MRPL43: variants seen among roughly 807,000 people sequenced by gnomAD.
MRPL43 encodes large ribosomal subunit protein mL43.
In MRPL43, 9 loss-of-function variants were observed where a neutral mutation model predicts 12.7. That is an observed-to-expected ratio of 0.71 (90% CI 0.43 to 1.24). The LOEUF is 1.24. MRPL43 is among the 50% of genes most tolerant of loss of function. The probability of loss-of-function intolerance (pLI) is 0.00; values close to 1 mark genes in which losing one functional copy is unlikely to be tolerated. For missense variants in MRPL43, 211 were observed against 229.2 expected (o/e 0.92, Z 0.51); for synonymous variants, 116 against 96.4 (o/e 1.20, Z -1.19).
chr10:100,981,652 G>C, downstream of MRPL43: 1 of 1,335,956 alleles, frequency 7.5e-7, no homozygotes, highest in Admixed American at 1.8e-5. Context: ...TACTGTCACA[G>C]CATTCTTATG....
At chr10:100,980,605 T>C (rs1427873810), downstream of MRPL43, 2 of 1,614,204 alleles carry the variant, frequency 1.2e-6, no homozygotes, top group African/African-American at 2.7e-5. Context: ...AAGGCCGTAG[T>C]CCTGGGCTCT....
downstream of MRPL43, chr10:100,985,355 T>A (rs796584525): frequency 9.6e-5 from 15 of 156,638 alleles, no homozygotes; most frequent in African/African-American, 3.6e-4. Context: ...CAATTCTGAC[T>A]GAGCTCCCCC....
downstream of MRPL43, chr10:100,977,873 C>T (rs1035439533): frequency 2.8e-5 from 19 of 682,650 alleles, no homozygotes; most frequent in Middle Eastern, 2.4e-4. Context: ...ACTCCAGTGG[C>T]GGCGGGCTGC....
chr10:100,983,661 G>A (rs140546736), downstream of MRPL43: 133 of 1,613,326 alleles, frequency 8.2e-5, no homozygotes, highest in African/African-American at 1.4e-3. Context: ...AGCCATTGCC[G>A]CGCTTGGTGG....
rs143218652 is a variant in MRPL43, at chr10:100,987,367, A to C, written c.77T>G (p.Leu26Arg). The C allele has an allele frequency of 1.2e-6, 2 of 1,612,654 alleles. No individual in the cohort carries two copies. Among genetic ancestry groups the C allele is most frequent in the Non-Finnish European group, 1.7e-6 (2 of 1,179,920 alleles). The change falls in exon 1 of 3, where the codon CTG (leucine) becomes CGG (arginine). Residue 26 changes from leucine (L) to arginine (R), a missense_variant. By Grantham distance (102) the Leu-to-Arg change is moderately radical. Coordinates refer to ENST00000318364, the MANE Select transcript of MRPL43 (RefSeq NM_032112.3). ...GCTGACGCTGAAGCTCAGACGCTGC[A>C]GCTGCTGCACATAGCGACCCAGTCC... ...HNGLGRYVQQ[L>R]QRLSFSVSRD...
chr10:100,978,990 G>T, downstream of MRPL43: 2 of 1,614,150 alleles, frequency 1.2e-6, no homozygotes, highest in Non-Finnish European at 8.5e-7. Flanking sequence ...AGCAGTCACC[G>T]TGTGGCCCGT....
At chr10:100,983,892 G>A, downstream of MRPL43, 1 of 1,542,910 alleles carries the variant, frequency 6.5e-7, no homozygotes. Context: ...CATCCCTGGG[G>A]AGGGAGCCCC....
chr10:100,983,739 C>T (rs1242957860), downstream of MRPL43: 1 of 1,613,110 alleles, frequency 6.2e-7, no homozygotes, highest in Non-Finnish European at 8.5e-7. Context: ...ACGAGGGCGC[C>T]GACGGAAATA....
At chr10:100,977,841 T>G, downstream of MRPL43, 1 of 926,346 alleles carries the variant, frequency 1.1e-6, no homozygotes, top group East Asian at 2.5e-5. Context: ...GATGGTTTAT[T>G]AAGGGGACTT....
downstream of MRPL43, chr10:100,983,477 T>G (rs1851230778): frequency 1.9e-6 from 3 of 1,614,204 alleles, no homozygotes; most frequent in East Asian, 4.5e-5. Flanking sequence ...TGGTTACAGA[T>G]GCACAGCCTG....
chr10:100,981,009 T>TG (rs758027922), downstream of MRPL43: 3 of 1,591,456 alleles, frequency 1.9e-6, no homozygotes, highest in African/African-American at 1.3e-5. Context: ...TGGGAAGTGG[T>TG]GGGGGGTGAC....
downstream of MRPL43, chr10:100,984,069 C>T (rs199549347): frequency 5.0e-6 from 8 of 1,613,682 alleles, no homozygotes; most frequent in Middle Eastern, 1.7e-4. Flanking sequence ...GGAACTCAGC[C>T]GCATCCTGGA....
At chr10:100,983,416 T>C (rs1851221493), downstream of MRPL43, 2 of 1,613,114 alleles carry the variant, frequency 1.2e-6, no homozygotes, top group South Asian at 1.1e-5. Context: ...AATGGGAGCA[T>C]GGGCCTGAGC....
downstream of MRPL43, chr10:100,980,766 C>T (rs1480377353): frequency 6.2e-7 from 1 of 1,602,614 alleles, no homozygotes; most frequent in Admixed American, 1.7e-5. Context: ...TGGGCAGAGG[C>T]TGTGTATCTG....
At chr10:100,983,781 T>G (rs1851263063), downstream of MRPL43, 3 of 1,608,430 alleles carry the variant, frequency 1.9e-6, no homozygotes, top group Admixed American at 5.1e-5. Flanking sequence ...GGCAGGAGGA[T>G]CTGCGGTGCA....
chr10:100,984,911 A>G, downstream of MRPL43: 1 of 1,453,756 alleles, frequency 6.9e-7, no homozygotes, highest in Non-Finnish European at 9.1e-7. Context: ...AGCTCCAGGC[A>G]TGTCCCATCC....
downstream of MRPL43, chr10:100,978,447 C>G (rs2133874421): frequency 1.9e-6 from 3 of 1,597,198 alleles, no homozygotes; most frequent in East Asian, 4.5e-5. Context: ...GATCTCATCT[C>G]TAGGACCTGC....
chr10:100,986,635 T>C lies in MRPL43; in HGVS notation c.*99A>G. The C allele has an allele frequency of 1.2e-6, 2 of 1,613,780 alleles. No homozygotes were observed. Among genetic ancestry groups the C allele is most frequent in the South Asian group, 1.1e-5 (1 of 91,064 alleles). ...GAACCTCTGTCAACTTGCCCATTGA[T>C]GGGTTCCATTTGCCTGGGCTTGGAA... On this transcript the variant is annotated 3_prime_UTR_variant, in exon 3 of 3. Transcript: ENST00000318364.
At chr10:100,978,721 A>G, downstream of MRPL43, 2 of 1,550,246 alleles carry the variant, frequency 1.3e-6, no homozygotes, top group South Asian at 2.3e-5. Context: ...TGACCACCCC[A>G]CCCCCAAATC....
Sources: gnomAD v4.1 joint callset for allele counts on GRCh38, gnomAD v4.1.1 for gene constraint, MANE v1.5 for transcripts, NCBI Gene and HGNC (gene_info 2026-07-23, HGNC 2026-07-21) for gene names.